Variants in SEMA3E observed in about 807,000 individuals in gnomAD.
SEMA3E encodes semaphorin-3E.
SEMA3E carries 49 observed loss-of-function variants against 93.6 expected under a neutral mutation model. The observed-to-expected ratio is 0.52, with a 90% confidence interval of 0.42 to 0.66. SEMA3E has a LOEUF of 0.66. Ranked by LOEUF, SEMA3E falls within the 30% of genes least tolerant of loss-of-function variation. The pLI is 0.00. For synonymous variants in SEMA3E, 363 were observed against 330.7 expected, an observed-to-expected ratio of 1.10 and a Z score of -1.06; for missense variants, 906 against 964.8, an observed-to-expected ratio of 0.94 and a Z score of 0.81.
intron 1 of SEMA3E, among the ~76,000 whole-genome samples, chr7:83,603,484 C>G (rs1793041067): frequency 1.3e-5 from 2 of 151,936 alleles, no homozygotes; most frequent in South Asian, 4.2e-4. Flanking sequence ...ATTAACAAAG[C>G]TAATACTACT....
chr7:83,437,106 C>T (rs1789020789), intron 4 of SEMA3E, among the ~76,000 whole-genome samples: 2 of 152,010 alleles, frequency 1.3e-5, no homozygotes, highest in African/African-American at 4.8e-5. Flanking sequence ...CCCACTGGGT[C>T]CTGGTGGAAT....
intron 4 of SEMA3E, among the ~76,000 whole-genome samples, chr7:83,463,620 C>T (rs1364527756): frequency 3.3e-5 from 5 of 152,258 alleles, no homozygotes; most frequent in Admixed American, 2.0e-4. Flanking sequence ...CTTTCCTGTT[C>T]CTCACCCTGA....
Position 83,441,985 on chromosome 7 carries a change from A to G in SEMA3E, c.457-23502T>C, listed in dbSNP as rs911004104. 5.3e-5 allele frequency among the ~76,000 whole-genome samples: 8 copies of G among 152,320 alleles called. No homozygotes were observed. The East Asian group carries it at 1.5e-3, about 29-fold the overall frequency. ...ATTCTTTACAAAGAGGAAGGCAAAA[A>G]CTTGCATAACTATAAATGAATGAAG... On this transcript the variant is annotated intron_variant, in intron 4 of 16. Transcript: ENST00000643230.
chr7:83,555,376 T>C (rs774063442), intron 1 of SEMA3E, among the ~76,000 whole-genome samples: 14 of 152,284 alleles, frequency 9.2e-5, no homozygotes, highest in African/African-American at 1.9e-4. Flanking sequence ...CTTTTTTCTC[T>C]CTCCCATTTA....
intron 1 of SEMA3E, among the ~76,000 whole-genome samples, chr7:83,582,787 TTA>T (rs1792540650): frequency 6.6e-6 from 1 of 152,028 alleles, no homozygotes; most frequent in Admixed American, 6.6e-5. Context: ...AAATATTCAT[TTA>T]TATGTTATAT....
intron 4 of SEMA3E, among the ~76,000 whole-genome samples, chr7:83,460,273 A>G (rs1268946171): frequency 6.6e-6 from 1 of 152,086 alleles, no homozygotes; most frequent in Non-Finnish European, 1.5e-5. Context: ...TCAGGTAAGC[A>G]GCCTCTTCTT....
At chr7:83,405,660 C>A in intron 8 of SEMA3E, 141 bp from the exon 9 acceptor site, 1 of 784,272 alleles carries the variant, frequency 1.3e-6, no homozygotes, top group South Asian at 1.5e-5. Flanking sequence ...CAACCATGAC[C>A]AAGTCATAAC....
intron 3 of SEMA3E, 92 bp from the exon 4 acceptor site, chr7:83,466,693 A>C: frequency 5.6e-4 from 835 of 1,488,488 alleles, no homozygotes; most frequent in Non-Finnish European, 7.0e-4. Flanking sequence ...TAGAAAGCTC[A>C]TGTTTTACCG....
At chr7:83,441,365 T>A (rs535629847) in intron 4 of SEMA3E, among the ~76,000 whole-genome samples, 1 of 152,290 alleles carries the variant, frequency 6.6e-6, no homozygotes, top group African/African-American at 2.4e-5. Context: ...TATGTTTTTT[T>A]AAATAATGGC....
intron 16 of SEMA3E, among the ~76,000 whole-genome samples, chr7:83,384,019 A>T (rs1478677118): frequency 6.6e-6 from 1 of 152,034 alleles, no homozygotes. Flanking sequence ...ACATGTGTTT[A>T]TTCTTATGAC....
chr7:83,394,243 C>T (rs1360363823), intron 13 of SEMA3E, 54 bp downstream of exon 13: 3 of 1,555,232 alleles, frequency 1.9e-6, no homozygotes, highest in African/African-American at 1.5e-5. Flanking sequence ...TTGACCTTAC[C>T]TTAGCTCACA....
chr7:83,560,730 A>G (rs1792014097), intron 1 of SEMA3E, among the ~76,000 whole-genome samples: 2 of 143,474 alleles, frequency 1.4e-5, no homozygotes, highest in African/African-American at 6.0e-5. Flanking sequence ...AAATCCTTTA[A>G]AAATAGTCTC....
intron 4 of SEMA3E, among the ~76,000 whole-genome samples, chr7:83,457,786 A>G (rs981973832): frequency 3.3e-5 from 5 of 152,152 alleles, no homozygotes; most frequent in African/African-American, 1.2e-4. Flanking sequence ...CAAAATGCCA[A>G]TGTGTAGTAT....
At chr7:83,619,087 A>G (rs1458381523) in intron 1 of SEMA3E, among the ~76,000 whole-genome samples, 1 of 151,880 alleles carries the variant, frequency 6.6e-6, no homozygotes, top group Non-Finnish European at 1.5e-5. Flanking sequence ...TTATTTTTAC[A>G]TTGTAATACC....
At position 83,417,446 on chromosome 7, in the gene SEMA3E, T is replaced by G. The variant is rs116517288; in HGVS notation, c.550+944A>C. Among the ~76,000 whole-genome samples, 1,178 of 152,230 alleles carry G rather than the reference T, an allele frequency of 7.7e-3. 10 individuals are homozygous for G. The highest frequency in any genetic ancestry group is 0.027 in the African/African-American group (1,112 of 41,554). On this transcript the variant is annotated intron_variant, in intron 5 of 16. Coordinates refer to ENST00000643230, the MANE Select transcript of SEMA3E (RefSeq NM_012431.3). ...AGAGTTTTAAGTTTTAATCGTTTAT[T>G]TAGAATGTGAAGTCTCTACATTTTA...
At chr7:83,588,868 C>T (rs1375380954) in intron 1 of SEMA3E, among the ~76,000 whole-genome samples, 1 of 152,136 alleles carries the variant, frequency 6.6e-6, no homozygotes, top group African/African-American at 2.4e-5. Flanking sequence ...CTTCTTGAAG[C>T]TCCTGGGGGA....
chr7:83,486,649 C>T (rs994623711), intron 2 of SEMA3E, among the ~76,000 whole-genome samples: 1 of 152,008 alleles, frequency 6.6e-6, no homozygotes, highest in East Asian at 1.9e-4. Flanking sequence ...GAATTTATTG[C>T]TTATCATTCT....
At chr7:83,404,901 G>A (rs73707824) in intron 9 of SEMA3E, among the ~76,000 whole-genome samples, 7,847 of 151,728 alleles carry the variant, frequency 0.052, 335 homozygotes, top group African/African-American at 0.11. Context: ...TTCAAGCAAG[G>A]TAAGTGAATA....
At chr7:83,396,515 T>C (rs542517765) in intron 12 of SEMA3E, 123 bp downstream of exon 12, 3 of 642,336 alleles carry the variant, frequency 4.7e-6, no homozygotes, top group African/African-American at 1.8e-5. Context: ...TCTTCACTTA[T>C]ATTAGCTCTG....
Sources: gnomAD v4.1 joint callset for allele counts (sites outside exome capture counted in the v4.1 genomes callset) on GRCh38, gnomAD v4.1.1 for gene constraint, MANE v1.5 for transcripts, NCBI Gene and HGNC (gene_info 2026-07-23, HGNC 2026-07-21) for gene names.